Variants in PLSCR3 observed in about 807,000 individuals in gnomAD.
PLSCR3 encodes phospholipid scramblase 3, also known as PL scramblase 3.
PLSCR3 carries 17 observed loss-of-function variants against 33.7 expected under a neutral mutation model. The observed-to-expected ratio is 0.50, with a 90% CI of 0.35 to 0.76. The LOEUF is 0.76. Ranked by LOEUF, PLSCR3 falls within the 30% of genes least tolerant of loss-of-function variation. The pLI is 0.01. For missense variants in PLSCR3, 360 were observed against 394.1 expected (o/e 0.91, Z 0.73); for synonymous variants, 166 against 166.0 (o/e 1.00, Z 0.00).
At chr17:7,393,897 C>T in intron 2 of PLSCR3, 61 bp from the exon 3 acceptor site, 1 of 1,189,494 alleles carries the variant, frequency 8.4e-7, no homozygotes, top group Non-Finnish European at 1.2e-6. Flanking sequence ...CCCCTTATTC[C>T]TCAGCCCATG....
At chr17:7,393,003 TATCATCTGTC>T (rs767360041) in intron 5 of PLSCR3, 51 bp from the exon 6 acceptor site, 7 of 1,565,520 alleles carry the variant, frequency 4.5e-6, no homozygotes, top group Middle Eastern at 3.7e-4. Flanking sequence ...GTCCCAGCTC[TATCATCTGTC>T]TATTTGGCCC....
In PLSCR3 at chr17:7,394,295, G is replaced by C; in HGVS notation, c.-157-28C>G. 1 of 559,088 alleles carries C rather than the reference G, an allele frequency of 1.8e-6. No individual in the cohort carries two copies. The highest frequency in any genetic ancestry group is 3.2e-6 in the Non-Finnish European group (1 of 313,446). The allele number at this position is 559,088 out of a possible 1,614,324, so 34.6% of individuals were successfully genotyped here. On this transcript the variant is annotated intron_variant, in intron 1 of 7. Coordinates refer to ENST00000619711, the MANE Select transcript of PLSCR3 (RefSeq NM_020360.4). The surrounding 1 kb of genome is among the most constrained non-coding windows in gnomAD (Gnocchi z 5.3). ...GACTCGGGGAGAAACCCAAGTGTCA[G>C]TGGGCGGGACCGGGTACCTGGGACC...
Position 7,393,840 on chromosome 17 carries a change from T to C in PLSCR3, c.8-4A>G. On this transcript the variant is annotated splice_polypyrimidine_tract_variant and splice_region_variant and intron_variant, in intron 2 of 7. Transcript: ENST00000619711. ...TAGCCTTTGGGGGGCAAGTAGCCTGTAAAGCGGTGGGAGCAGGATAGATTA... is the reference window on the plus strand; with the variant it reads ...TAGCCTTTGGGGGGCAAGTAGCCTGCAAAGCGGTGGGAGCAGGATAGATTA... 1 of 1,462,214 alleles carries C rather than the reference T, an allele frequency of 6.8e-7. No homozygotes were observed. 90.6% of individuals were successfully genotyped at this position (1,462,214 alleles called of 1,614,324 possible). A position where few individuals can be genotyped will look rare whatever the true frequency, so the allele number is the denominator to read the frequency against.
At position 7,392,918 on chromosome 17, in the gene PLSCR3, C is replaced by A. The variant is rs747553534; in HGVS notation, c.542G>T (p.Gly181Val). 2 of 1,613,888 alleles carry A rather than the reference C, an allele frequency of 1.2e-6. No individual in the cohort carries two copies. The highest frequency in any genetic ancestry group is 1.7e-6 in the Non-Finnish European group (2 of 1,179,878). ...EVQAPPGTTI[G>V]HVLQTWHPFL... ...GGGATGCCAGGTCTGTAGCACGTGG[C>A]CAATGGTGGTGCCTGGTGGAGCCTG... Residue 181 changes from glycine (G) to valine (V), a missense_variant, in exon 6 of 8, where the codon GGC (glycine) becomes GTC (valine). Physicochemically the swap from Gly to Val is moderately radical, Grantham distance 109 (BLOSUM62 -3). Coordinates refer to ENST00000619711, the MANE Select transcript of PLSCR3 (RefSeq NM_020360.4).
chr17:7,392,916 G>A lies in PLSCR3; in HGVS notation c.544C>T (p.His182Tyr). The change falls in exon 6 of 8, where the codon CAC (histidine) becomes TAC (tyrosine). Residue 182 changes from histidine (H) to tyrosine (Y), a missense_variant. By Grantham distance (83) the His-to-Tyr change is moderately conservative. Transcript: ENST00000619711. ...VQAPPGTTIG[H>Y]VLQTWHPFLP... is the part of the protein sequence containing the mutation. The stretch of plus-strand genomic sequence containing the variant: ...AAGGGATGCCAGGTCTGTAGCACGT[G>A]GCCAATGGTGGTGCCTGGTGGAGCC... The A allele has an allele frequency of 6.2e-7, 1 of 1,613,954 alleles. No individual in the cohort carries two copies. The highest frequency in any genetic ancestry group is 8.5e-7 in the Non-Finnish European group (1 of 1,179,918).
intron 2 of PLSCR3, 35 bp from the exon 3 acceptor site, chr17:7,393,871 G>A (rs1161361775): frequency 1.5e-6 from 2 of 1,298,986 alleles, no homozygotes; most frequent in African/African-American, 1.5e-5. Flanking sequence ...GATTAGAAAG[G>A]GACTCAAGGC....
chr17:7,392,992 G>T, intron 5 of PLSCR3, 40 bp from the exon 6 acceptor site: 1 of 1,578,800 alleles, frequency 6.3e-7, no homozygotes, highest in South Asian at 1.2e-5. Context: ...CGGAGGCAGG[G>T]GTCCCAGCTC....
rs1312325199 is a variant in PLSCR3 at position 7,393,185 on chromosome 17, G to T, written c.466C>A (p.Leu156Met). ...GGGCAGCAGCTGCAGCCACAGTGCAGCGGGCGGAGCAAACGCAGCACCTCA... is the reference window on the plus strand; with the variant it reads ...GGGCAGCAGCTGCAGCCACAGTGCATCGGGCGGAGCAAACGCAGCACCTCA... ...DREVLRLLRP[L>M]HCGCSCCPCG... The change falls in exon 5 of 8, where the codon CTG (leucine) becomes ATG (methionine). Residue 156 changes from leucine to methionine, a missense_variant. By Grantham distance (15) the Leu-to-Met change is conservative (BLOSUM62 2). Transcript: ENST00000619711. The T allele has an allele frequency of 6.7e-7, 1 of 1,483,606 alleles. No homozygotes were observed. The highest frequency in any genetic ancestry group is 8.9e-7 in the Non-Finnish European group (1 of 1,122,356). 91.9% of individuals were successfully genotyped at this position (1,483,606 alleles called of 1,614,324 possible). A position where few individuals can be genotyped will look rare whatever the true frequency, so the allele number is the denominator to read the frequency against.
At chr17:7,390,878 C>T (rs1597690747) in intron 6 of PLSCR3, 83 bp from the exon 7 acceptor site, 18 of 1,432,470 alleles carry the variant, frequency 1.3e-5, no homozygotes, top group South Asian at 2.4e-5. Flanking sequence ...CACAGTCGCA[C>T]GTATGAATTT....
intron 6 of PLSCR3, among the ~76,000 whole-genome samples, chr17:7,392,055 C>A (rs186260057): frequency 1.3e-5 from 2 of 152,312 alleles, no homozygotes; most frequent in Non-Finnish European, 2.9e-5. Flanking sequence ...CATGGCGGCG[C>A]ATGCCTGTAA....
intron 2 of PLSCR3, 40 bp from the exon 3 acceptor site, chr17:7,393,876 C>T (rs1389264763): frequency 7.9e-7 from 1 of 1,269,676 alleles, no homozygotes; most frequent in South Asian, 1.3e-5. Context: ...GAAAGGGACT[C>T]AAGGCCTCAT....
Position 7,393,526 on chromosome 17 carries a change from G to A in PLSCR3, c.244-17C>T. 6.2e-7 allele frequency: 1 copy of A among 1,614,074 alleles called. No individual in the cohort carries two copies. The highest frequency in any genetic ancestry group is 8.5e-7 in the Non-Finnish European group (1 of 1,179,996). ...CTGATCAATCTGGAAAGAGAGGGGC[G>A]GCGCGCACATCAGCTGGCCCATCTG... is the stretch of plus-strand genomic sequence containing the variant. On this transcript the variant is annotated splice_polypyrimidine_tract_variant and intron_variant, in intron 3 of 7. Coordinates refer to ENST00000619711, the MANE Select transcript of PLSCR3 (RefSeq NM_020360.4).
intron 6 of PLSCR3, 44 bp from the exon 7 acceptor site, chr17:7,390,839 G>T (rs1192719833): frequency 2.5e-6 from 4 of 1,602,556 alleles, no homozygotes; most frequent in African/African-American, 2.7e-5. Context: ...GGAGGAGGCA[G>T]CCAGTCTCAC....
chr17:7,391,171 C>T lies in PLSCR3; in HGVS notation c.670-376G>A, dbSNP rs900565752. 1.3e-5 allele frequency among the ~76,000 whole-genome samples: 2 copies of T among 152,208 alleles called. No individual in the cohort carries two copies. Among genetic ancestry groups the T allele is most frequent in the Admixed American group, 1.3e-4 (2 of 15,276 alleles). ...GCTCTGGTTCCCAATGCCCCTGCCA[C>T]CCACAATTGGCACAGCTTGTGCCCT... is the stretch of plus-strand genomic sequence containing the variant. On this transcript the variant is annotated intron_variant, in intron 6 of 7. Coordinates refer to ENST00000619711, the MANE Select transcript of PLSCR3 (RefSeq NM_020360.4). The surrounding 1 kb of genome is among the most constrained non-coding windows in gnomAD (Gnocchi z 4.1).
rs751315438 is a variant in PLSCR3, at chr17:7,392,853, T to C, written c.607A>G (p.Thr203Ala). Residue 203 changes from threonine to alanine, a missense_variant, in exon 6 of 8, where the codon ACA (threonine) becomes GCA (alanine). Thr to Ala is a moderately conservative substitution (Grantham distance 58). Transcript: ENST00000619711. Reference sequence around the variant, plus strand: ...CAGGGCCCCACCACTCGCAAGACTGTCTGGCGATCGGCATCCTGGATGGAG... The same window carrying C: ...CAGGGCCCCACCACTCGCAAGACTGCCTGGCGATCGGCATCCTGGATGGAG... ...KFSIQDADRQ[T>A]VLRVVGPCWT... 1.2e-6 allele frequency: 2 copies of C among 1,614,074 alleles called. No homozygotes were observed. The highest frequency in any genetic ancestry group is 3.3e-5 in the Admixed American group (2 of 60,006).
In PLSCR3 at chr17:7,391,714, C is replaced by T. The variant is rs117325280; in HGVS notation, c.670-919G>A. The stretch of plus-strand genomic sequence containing the variant: ...CCTATACATTCCCATCTGGAGATCA[C>T]GCAGTTATTATATCTTATTCCCAAT... On this transcript the variant is annotated intron_variant, in intron 6 of 7. Transcript: ENST00000619711. The surrounding 1 kb of genome is among the most constrained non-coding windows in gnomAD (Gnocchi z 4.1). Among the ~76,000 whole-genome samples the T allele has an allele frequency of 2.4e-3, 368 of 152,326 alleles. 2 individuals carry two copies. Among genetic ancestry groups the T allele is most frequent in the Non-Finnish European group, 4.2e-3 (285 of 68,030 alleles).
Position 7,390,181 on chromosome 17 carries a change from G to A in PLSCR3, c.*204C>T. On this transcript the variant is annotated 3_prime_UTR_variant, in exon 8 of 8. Transcript: ENST00000619711. Reference sequence around the variant, plus strand: ...CCGAGGGACTGCTGGGACAGTGGTGGGAGGTAGCAGGAGAGCGGCTCTCAT... The same window carrying A: ...CCGAGGGACTGCTGGGACAGTGGTGAGAGGTAGCAGGAGAGCGGCTCTCAT... 1.9e-6 allele frequency: 1 copy of A among 533,382 alleles called. No individual in the cohort carries two copies. The highest frequency in any genetic ancestry group is 3.3e-6 in the Non-Finnish European group (1 of 299,306). The allele number at this position is 533,382 out of a possible 1,614,324, so 33.0% of individuals were successfully genotyped here.
At position 7,390,356 on chromosome 17, in the gene PLSCR3, G is replaced by T. The variant is rs1905558273; in HGVS notation, c.*29C>A. The T allele has an allele frequency of 1.3e-6, 2 of 1,505,312 alleles. No individual in the cohort carries two copies. Among genetic ancestry groups the T allele is most frequent in the African/African-American group, 2.8e-5 (2 of 72,170 alleles). 93.2% of individuals were successfully genotyped at this position (1,505,312 alleles called of 1,614,324 possible). On this transcript the variant is annotated 3_prime_UTR_variant, in exon 8 of 8. Coordinates refer to ENST00000619711, the MANE Select transcript of PLSCR3 (RefSeq NM_020360.4). The stretch of plus-strand genomic sequence containing the variant: ...GTGACCATCTGGAGTTCTGGTCGAG[G>T]TGATGGTCTCCTCACACCATGGTGG...
In PLSCR3 at chr17:7,394,454, G is replaced by A; in HGVS notation, c.-158+23C>T. The stretch of plus-strand genomic sequence containing the variant: ...GCCCCACCCCAAGGGCGGTCTCCCT[G>A]ACCCCTCTGTGCCCCCGCTCACCTG... On this transcript the variant is annotated intron_variant, in intron 1 of 7. Transcript: ENST00000619711. The surrounding 1 kb of genome is among the most constrained non-coding windows in gnomAD (Gnocchi z 5.3). 1 of 245,798 alleles carries A rather than the reference G, an allele frequency of 4.1e-6. No homozygotes were observed. Among genetic ancestry groups the A allele is most frequent in the Non-Finnish European group, 7.9e-6 (1 of 126,826 alleles). The allele number at this position is 245,798 out of a possible 1,614,324, so 15.2% of individuals were successfully genotyped here.
Sources: gnomAD v4.1 joint callset for allele counts (sites outside exome capture counted in the v4.1 genomes callset) on GRCh38, gnomAD v4.1.1 for gene constraint, Gnocchi (gnomAD v3.1) non-coding constraint, MANE v1.5 for transcripts, NCBI Gene and HGNC (gene_info 2026-07-23, HGNC 2026-07-21) for gene names.